Variants in PARVB observed in about 807,000 individuals in gnomAD.
PARVB encodes parvin beta, also known as beta-parvin.
In PARVB, 46 loss-of-function variants were observed where a neutral mutation model predicts 47.0. The ratio of observed to expected loss-of-function variants is 0.98; its 90% CI spans 0.77 to 1.25. The LOEUF is 1.25. Ranked by LOEUF, PARVB falls within the 50% of genes most tolerant of loss-of-function variation. The pLI is 0.00. For synonymous variants in PARVB, 196 were observed against 196.3 expected (o/e 1.00, Z 0.01); for missense variants, 473 against 471.6 (o/e 1.00, Z -0.03).
At chr22:44,078,195 A>C (rs2051820814) in intron 1 of PARVB, among the ~76,000 whole-genome samples, 1 of 152,194 alleles carries the variant, frequency 6.6e-6, no homozygotes, top group African/African-American at 2.4e-5. Context: ...CTGGCTGGAC[A>C]CAGTGTGTCT....
chr22:44,006,607 G>C (rs745963002), intron 2 of PARVB, among the ~76,000 whole-genome samples: 24 of 152,228 alleles, frequency 1.6e-4, no homozygotes, highest in Middle Eastern at 3.2e-3. Context: ...CCTGGTGACA[G>C]AGCGAGACTA....
chr22:44,015,736 T>G (rs1227787417), intron 2 of PARVB, among the ~76,000 whole-genome samples: 3 of 152,110 alleles, frequency 2.0e-5, no homozygotes, highest in Non-Finnish European at 2.9e-5. Flanking sequence ...GGATAATCAT[T>G]TGAACCCAGG....
intron 4 of PARVB, among the ~76,000 whole-genome samples, chr22:44,128,069 C>G (rs2053228472): frequency 6.6e-6 from 1 of 152,194 alleles, no homozygotes; most frequent in Non-Finnish European, 1.5e-5. Context: ...AGGGATGAGC[C>G]ACTACACCCA....
chr22:44,005,057 TAC>T (rs1393886229), intron 2 of PARVB, among the ~76,000 whole-genome samples: 2 of 152,136 alleles, frequency 1.3e-5, no homozygotes, highest in African/African-American at 4.8e-5. Flanking sequence ...GTGGGAAAAA[TAC>T]AACAGCTCTT....
chr22:44,004,818 G>A (rs6006611), intron 2 of PARVB, among the ~76,000 whole-genome samples: 67,070 of 151,964 alleles, frequency 0.44, 15,082 homozygotes, highest in East Asian at 0.5. Context: ...CACAACGTCC[G>A]GTTTGTGAGC....
chr22:44,133,333 A>G (rs2053371184), intron 6 of PARVB, among the ~76,000 whole-genome samples: 1 of 152,134 alleles, frequency 6.6e-6, no homozygotes. Context: ...TACTCATTGG[A>G]GGAGGTTGGC....
chr22:44,119,255 A>C, intron 4 of PARVB, 115 bp downstream of exon 4: 1 of 755,056 alleles, frequency 1.3e-6, no homozygotes. Context: ...AAGACACTCA[A>C]AGCTGCAGTG....
At chr22:44,013,695 C>T (rs6006618) in intron 2 of PARVB, among the ~76,000 whole-genome samples, 70,636 of 151,754 alleles carry the variant, frequency 0.47, 16,559 homozygotes, top group Admixed American at 0.55. Context: ...TGCAGTGGTG[C>T]GATCTCGGCT....
At chr22:44,024,474 C>G in intron 1 of PARVB, 23 bp downstream of exon 1, 1 of 1,134,920 alleles carries the variant, frequency 8.8e-7, no homozygotes, top group Non-Finnish European at 1.1e-6. Flanking sequence ...CCGCGCCCGC[C>G]GACCCCCGGG....
At chr22:44,015,983 C>CA (rs1300795555) in intron 2 of PARVB, among the ~76,000 whole-genome samples, 6 of 152,192 alleles carry the variant, frequency 3.9e-5, no homozygotes, top group Non-Finnish European at 7.3e-5. Flanking sequence ...ACCACCTTCT[C>CA]AAACTAATCT....
intron 12 of PARVB, among the ~76,000 whole-genome samples, chr22:44,167,192 G>T (rs1569168310): frequency 6.6e-6 from 1 of 152,232 alleles, no homozygotes; most frequent in Non-Finnish European, 1.5e-5. Context: ...TCTTAAGGAG[G>T]CCCCTTGCCT....
At position 44,147,893 on chromosome 22, in the gene PARVB, G is replaced by A; in HGVS notation, c.745G>A (p.Ala249Thr). 2 of 1,614,056 alleles carry A rather than the reference G, an allele frequency of 1.2e-6. No individual in the cohort carries two copies. Among genetic ancestry groups the A allele is most frequent in the Non-Finnish European group, 1.7e-6 (2 of 1,179,970 alleles). ...RDAFDTLFDH[A>T]PDKLSVVKKS... ...TGCCTTCGACACGCTGTTCGACCAC[G>A]CCCCGGATAAGCTCAGCGTGGTGAA... is the stretch of plus-strand genomic sequence containing the variant. The change falls in exon 9 of 13, where the codon GCC becomes ACC. Residue 249 changes from alanine to threonine, a missense_variant. Coordinates refer to ENST00000338758, the MANE Select transcript of PARVB (RefSeq NM_013327.5).
intron 4 of PARVB, among the ~76,000 whole-genome samples, chr22:44,122,580 GAGAGAGAGAGA>G (rs2053091438): frequency 7.3e-6 from 1 of 136,952 alleles, no homozygotes; most frequent in African/African-American, 3.1e-5. Flanking sequence ...GAGAGAGAGA[GAGAGAGAGAGA>G]GAGAGAGAGA....
chr22:44,048,711 G>A (rs987091011), intron 1 of PARVB, among the ~76,000 whole-genome samples: 8 of 152,086 alleles, frequency 5.3e-5, no homozygotes, highest in Non-Finnish European at 1.0e-4. Flanking sequence ...ACAGGAGTCC[G>A]CCACCATGCC....
intron 3 of PARVB, chr22:44,109,606 C>G (rs2052646033): frequency 6.6e-6 from 1 of 152,234 alleles, no homozygotes; most frequent in Non-Finnish European, 1.5e-5. Flanking sequence ...GGCAGTGGAA[C>G]TGGGCCGTGA....
intron 12 of PARVB, chr22:44,168,355 TGTTCTTGTCACCCCAGG>T (rs2054215445): frequency 2.1e-6 from 1 of 482,942 alleles, no homozygotes; most frequent in Admixed American, 3.4e-5. Context: ...GGAGTGTCTC[TGTTCTTGTCACCCCAGG>T]TGCCTGTCCC....
intron 11 of PARVB, among the ~76,000 whole-genome samples, chr22:44,160,077 G>A (rs964213214): frequency 6.6e-6 from 1 of 152,240 alleles, no homozygotes; most frequent in African/African-American, 2.4e-5. Context: ...TGCCCCATGA[G>A]CTATCTCAGA....
intron 1 of PARVB, among the ~76,000 whole-genome samples, chr22:44,040,188 T>C (rs1019281029): frequency 6.6e-6 from 1 of 152,216 alleles, no homozygotes; most frequent in Admixed American, 6.5e-5. Flanking sequence ...TTTCATGGCA[T>C]GTACCTTTTA....
chr22:44,004,404 C>T (rs759246169), intron 2 of PARVB, among the ~76,000 whole-genome samples: 6 of 152,112 alleles, frequency 3.9e-5, no homozygotes, highest in Non-Finnish European at 7.4e-5. Context: ...GTGACCCCCC[C>T]CTTACTCTCA....
Sources: allele counts gnomAD v4.1 joint callset (sites outside exome capture counted in the v4.1 genomes callset), GRCh38; gene constraint gnomAD v4.1.1; transcripts MANE v1.5; gene names NCBI Gene and HGNC (gene_info 2026-07-23, HGNC 2026-07-21).